Variants in DLGAP2 observed in about 807,000 individuals in gnomAD.
DLGAP2 encodes the protein disks large-associated protein 2.
In DLGAP2, 26 loss-of-function variants were observed where a neutral mutation model predicts 100.3. The ratio of observed to expected loss-of-function variants is 0.26; its 90% CI spans 0.19 to 0.36. The LOEUF is 0.36. DLGAP2 is among the 10% of genes least tolerant of loss of function. The pLI is 1.00. For synonymous variants in DLGAP2, 886 were observed against 630.1 expected (o/e 1.41, Z -6.08); for missense variants, 1,858 against 1,453.2 (o/e 1.28, Z -4.53).
At position 1,179,950 on chromosome 8, in the gene DLGAP2, A is replaced by G. The variant is rs369906043; in HGVS notation, c.74-78901A>G. 2.5e-3 allele frequency among the ~76,000 whole-genome samples: 387 copies of G among 152,352 alleles called. 9 individuals carry two copies. In the South Asian group the frequency reaches 0.039, roughly 15 times the overall value. Reference sequence around the variant, plus strand: ...TTAAACCGTGCCTTTAGAAATAAAGATTGGATGCTTGTTTGAGTAAATGCA... The same window carrying G: ...TTAAACCGTGCCTTTAGAAATAAAGGTTGGATGCTTGTTTGAGTAAATGCA... On this transcript the variant is annotated intron_variant, in intron 2 of 14. Transcript: ENST00000637795.
chr8:880,459 C>G (rs910692701), intron 1 of DLGAP2, among the ~76,000 whole-genome samples: 4 of 152,198 alleles, frequency 2.6e-5, no homozygotes, highest in Middle Eastern at 3.2e-3. Flanking sequence ...CTCTCCAGCC[C>G]TTGCCTGCGA....
intron 4 of DLGAP2, among the ~76,000 whole-genome samples, chr8:1,521,098 G>A (rs866408694): frequency 2.0e-5 from 3 of 151,954 alleles, no homozygotes; most frequent in Admixed American, 1.3e-4. Context: ...ATACTCGGGC[G>A]GGAGGTGATA....
intron 2 of DLGAP2, among the ~76,000 whole-genome samples, chr8:1,090,083 C>T (rs1332098284): frequency 7.2e-6 from 1 of 139,552 alleles, no homozygotes; most frequent in African/African-American, 2.7e-5. Context: ...CACTCTGGAG[C>T]CCTCCTGGGC....
At chr8:1,673,842 A>T (rs1798748089) in intron 10 of DLGAP2, among the ~76,000 whole-genome samples, 1 of 152,186 alleles carries the variant, frequency 6.6e-6, no homozygotes, top group Admixed American at 6.5e-5. Context: ...AAATAACAAA[A>T]ATATATTAGA....
At chr8:1,077,747 C>A (rs928509880) in intron 2 of DLGAP2, among the ~76,000 whole-genome samples, 2 of 152,230 alleles carry the variant, frequency 1.3e-5, no homozygotes, top group East Asian at 1.9e-4. Flanking sequence ...GATTAGCCCA[C>A]GCAGTGGTTA....
chr8:1,568,404 G>A (rs13262632), intron 6 of DLGAP2, among the ~76,000 whole-genome samples: 1 of 62,322 alleles, frequency 1.6e-5, no homozygotes, highest in Non-Finnish European at 3.1e-5. Flanking sequence ...CCGTGGCCCC[G>A]ATGCCATTGT....
At position 1,389,477 on chromosome 8, in the gene DLGAP2, G is replaced by T. The variant is rs551287787; in HGVS notation, c.107-111889G>T. 1.2e-4 allele frequency among the ~76,000 whole-genome samples: 19 copies of T among 152,250 alleles called. No homozygotes were observed. The South Asian group carries it at 1.7e-3, about 13-fold the overall frequency. Reference sequence around the variant, plus strand: ...GGTACTCAGAGCTGGAAGAAGTGTCGATGAGGGACCCCGCTAAGGGCACTC... The same window carrying T: ...GGTACTCAGAGCTGGAAGAAGTGTCTATGAGGGACCCCGCTAAGGGCACTC... On this transcript the variant is annotated intron_variant, in intron 3 of 14. Coordinates refer to ENST00000637795, the MANE Select transcript of DLGAP2 (RefSeq NM_001346810.2).
chr8:1,573,408 G>A (rs1399891328), intron 6 of DLGAP2, among the ~76,000 whole-genome samples: 1 of 149,450 alleles, frequency 6.7e-6, no homozygotes, highest in Non-Finnish European at 1.5e-5. Flanking sequence ...GAACTGTGGG[G>A]GCGTCTGATG....
At chr8:896,734 C>T (rs1385896123) in intron 1 of DLGAP2, among the ~76,000 whole-genome samples, 1 of 152,152 alleles carries the variant, frequency 6.6e-6, no homozygotes, top group Non-Finnish European at 1.5e-5. Context: ...TCACCAGACA[C>T]TGCCGTCACC....
chr8:919,494 C>G (rs1336601101), intron 2 of DLGAP2, among the ~76,000 whole-genome samples: 3 of 152,096 alleles, frequency 2.0e-5, no homozygotes, highest in Non-Finnish European at 4.4e-5. Context: ...CAAGGAAAGG[C>G]AAGTCCTGCT....
intron 8 of DLGAP2, among the ~76,000 whole-genome samples, chr8:1,649,122 T>G (rs1446845963): frequency 6.6e-6 from 1 of 152,220 alleles, no homozygotes; most frequent in Non-Finnish European, 1.5e-5. Context: ...GTGTATACAT[T>G]GAATTTGAAT....
intron 2 of DLGAP2, among the ~76,000 whole-genome samples, chr8:1,025,064 ATGTGTGTGCATGTG>A (rs1003149982): frequency 6.6e-6 from 1 of 150,938 alleles, no homozygotes; most frequent in African/African-American, 2.4e-5. Flanking sequence ...GTGCATGTGC[ATGTGTGTGCATGTG>A]TGTGTGCGCG....
chr8:810,690 T>G, intron 1 of DLGAP2, among the ~76,000 whole-genome samples: 1 of 152,136 alleles, frequency 6.6e-6, no homozygotes, highest in East Asian at 1.9e-4. Flanking sequence ...TATCAGTGGG[T>G]TTTTAAACTG....
intron 1 of DLGAP2, among the ~76,000 whole-genome samples, chr8:874,828 T>C (rs996440292): frequency 2.0e-5 from 3 of 152,332 alleles, no homozygotes; most frequent in Middle Eastern, 3.4e-3. Flanking sequence ...TCTTCGGCTA[T>C]TGTTGAACTT....
intron 2 of DLGAP2, among the ~76,000 whole-genome samples, chr8:1,231,242 C>G (rs1445292446): frequency 6.6e-6 from 1 of 152,172 alleles, no homozygotes; most frequent in Non-Finnish European, 1.5e-5. Flanking sequence ...AAAAAATGCT[C>G]CATATCTCTA....
At chr8:1,429,997 CATATATATACATAT>C (rs1282130641) in intron 3 of DLGAP2, among the ~76,000 whole-genome samples, 5 of 19,658 alleles carry the variant, frequency 2.5e-4, no homozygotes, top group East Asian at 6.8e-3. Context: ...GGGAGAGATG[CATATATATACATAT>C]ATATATATAT....
At chr8:900,408 G>A (rs974318141) in intron 1 of DLGAP2, among the ~76,000 whole-genome samples, 3 of 152,228 alleles carry the variant, frequency 2.0e-5, no homozygotes, top group Admixed American at 1.3e-4. Flanking sequence ...TCTTCACGGT[G>A]TTGCTCCTGG....
chr8:1,285,511 A>G (rs1178855692), intron 3 of DLGAP2, among the ~76,000 whole-genome samples: 2 of 152,180 alleles, frequency 1.3e-5, no homozygotes, highest in East Asian at 3.8e-4. Flanking sequence ...TTGTGCAGGT[A>G]TCTGGTATCT....
intron 2 of DLGAP2, among the ~76,000 whole-genome samples, chr8:1,233,436 G>C (rs570361218): frequency 8.5e-5 from 13 of 152,206 alleles, no homozygotes; most frequent in Non-Finnish European, 1.3e-4. Flanking sequence ...TATTGCAAAC[G>C]TCCTGCCTAC....
Sources: gnomAD v4.1 joint callset for allele counts (sites outside exome capture counted in the v4.1 genomes callset) on GRCh38, gnomAD v4.1.1 for gene constraint, MANE v1.5 for transcripts, NCBI Gene and HGNC (gene_info 2026-07-23, HGNC 2026-07-21) for gene names.